The following HERC3 variants were observed in gnomAD, a reference collection of about 807,000 sequenced individuals.
HERC3 encodes the protein probable E3 ubiquitin-protein ligase HERC3.
In HERC3, 58 loss-of-function variants were observed where a neutral mutation model predicts 129.9. The ratio of observed to expected loss-of-function variants is 0.45; its 90% CI spans 0.36 to 0.56. The LOEUF (loss-of-function observed/expected upper bound fraction) is 0.56, where lower values mean the gene tolerates loss of function less well. Ranked by LOEUF, HERC3 falls within the 20% of genes least tolerant of loss-of-function variation. HERC3 has a pLI of 0.00. For missense variants in HERC3, 835 were observed against 1,244.2 expected, an observed-to-expected ratio of 0.67 and a Z score of 4.95; for synonymous variants, 430 against 451.0, an observed-to-expected ratio of 0.95 and a Z score of 0.59.
At chr4:88,697,121 C>A in intron 23 of HERC3, 1 of 1,330,414 alleles carries the variant, frequency 7.5e-7, no homozygotes, top group Non-Finnish European at 1.0e-6. Flanking sequence ...AAAACCTGAG[C>A]CTTTTTAAGT....
At chr4:88,640,020 C>G (rs1727898159) in intron 3 of HERC3, among the ~76,000 whole-genome samples, 1 of 152,136 alleles carries the variant, frequency 6.6e-6, no homozygotes, top group Non-Finnish European at 1.5e-5. Flanking sequence ...ATCAAAACCA[C>G]AATGAGATAC....
intron 12 of HERC3, 89 bp downstream of exon 12, chr4:88,664,301 T>A: frequency 1.8e-6 from 2 of 1,113,338 alleles, no homozygotes; most frequent in Non-Finnish European, 2.7e-6. Flanking sequence ...TGCTTGAGTT[T>A]AGGAGTTTGG....
In HERC3 at chr4:88,664,157, G is replaced by C; in HGVS notation, c.1276G>C (p.Val426Leu). Residue 426 changes from valine (V) to leucine (L), a missense_variant, in exon 12 of 26, where the codon GTT becomes CTT. Coordinates refer to ENST00000402738, the MANE Select transcript of HERC3 (RefSeq NM_014606.3). Reference protein sequence around the residue: ...EHNNANTINGVVQILSSAACW... With the variant: ...EHNNANTINGLVQILSSAACW... The stretch of plus-strand genomic sequence containing the variant: ...TCCCTTCTTTTCTTTGAGCAGTGGT[G>C]TTGTTCAGATATTATCTTCTGCAGC... The C allele has an allele frequency of 6.2e-7, 1 of 1,612,456 alleles. No homozygotes were observed. The highest frequency in any genetic ancestry group is 8.5e-7 in the Non-Finnish European group (1 of 1,179,086).
the HERC3 span, among the ~76,000 whole-genome samples, chr4:88,532,959 A>T: frequency 6.6e-6 from 1 of 152,330 alleles, no homozygotes; most frequent in South Asian, 2.1e-4. Context: ...ATTAAGGAGA[A>T]TTGACTCACA....
chr4:88,538,313 T>A, the HERC3 span, among the ~76,000 whole-genome samples: 1 of 152,310 alleles, frequency 6.6e-6, no homozygotes, highest in African/African-American at 2.4e-5. Flanking sequence ...CTGTACACCA[T>A]GGAGTATCGT....
chr4:88,663,577 C>A (rs542823647), intron 11 of HERC3, among the ~76,000 whole-genome samples: 12 of 152,208 alleles, frequency 7.9e-5, no homozygotes, highest in African/African-American at 2.9e-4. Flanking sequence ...TTATTCTTTC[C>A]CTTTTCCTTA....
At chr4:88,662,645 C>T in intron 11 of HERC3, 90 bp downstream of exon 11, 1 of 1,317,852 alleles carries the variant, frequency 7.6e-7, no homozygotes. Context: ...CATATTGATA[C>T]TGTGAATGTA....
chr4:88,649,319 C>CAG (rs1729021380), intron 3 of HERC3, among the ~76,000 whole-genome samples: 1 of 152,072 alleles, frequency 6.6e-6, no homozygotes, highest in African/African-American at 2.4e-5. Context: ...CCAGTTTTCC[C>CAG]AGAGAGAGAT....
rs1406865479 is a variant in HERC3, at chr4:88,708,027, TC to T, written c.*1068del. ...CTAGTGGATGCATGCAGCCTTTTTT[TC>T]AATTTTTATTTAAATTGCAAAATTT... is the stretch of plus-strand genomic sequence containing the variant. On this transcript the variant is annotated 3_prime_UTR_variant, in exon 26 of 26. Transcript: ENST00000402738. 6.6e-6 allele frequency: 1 copy of T among 152,590 alleles called. No individual in the cohort carries two copies. Among genetic ancestry groups the T allele is most frequent in the Admixed American group, 6.5e-5 (1 of 15,280 alleles). 9.5% of individuals were successfully genotyped at this position (152,590 alleles called of 1,614,324 possible).
chr4:88,621,197 C>T (rs1473208940), intron 3 of HERC3, among the ~76,000 whole-genome samples: 1 of 152,114 alleles, frequency 6.6e-6, no homozygotes, highest in Non-Finnish European at 1.5e-5. Flanking sequence ...ACCTCCACCT[C>T]CTGGGTTCAA....
chr4:88,651,069 G>A lies in HERC3; in HGVS notation c.387-943G>A, dbSNP rs116061894. ...TCCAAAAATTAATTTAATTTTGTGG[G>A]GAGAGGAAGAGTGGCAGTAAGAAAA... On this transcript the variant is annotated intron_variant, in intron 4 of 25. Coordinates refer to ENST00000402738, the MANE Select transcript of HERC3 (RefSeq NM_014606.3). Among the ~76,000 whole-genome samples the A allele has an allele frequency of 9.5e-3, 1,440 of 152,210 alleles. 21 individuals carry two copies. Among genetic ancestry groups the A allele is most frequent in the African/African-American group, 0.032 (1,343 of 41,532 alleles).
At chr4:88,689,349 TAAA>T (rs143398618) in intron 23 of HERC3, among the ~76,000 whole-genome samples, 2 of 121,090 alleles carry the variant, frequency 1.7e-5, no homozygotes, top group African/African-American at 5.6e-5. Context: ...TACAAAAAAG[TAAA>T]AAAAAAAAAA....
At chr4:88,672,177 G>A (rs1731681308) in intron 16 of HERC3, among the ~76,000 whole-genome samples, 2 of 152,074 alleles carry the variant, frequency 1.3e-5, no homozygotes, top group Non-Finnish European at 2.9e-5. Flanking sequence ...CTAACAAATT[G>A]TAATTCTTTT....
chr4:88,691,523 C>T (rs1260221015), intron 23 of HERC3, among the ~76,000 whole-genome samples: 1 of 152,216 alleles, frequency 6.6e-6, no homozygotes, highest in Non-Finnish European at 1.5e-5. Context: ...TGTATCCTAG[C>T]ATGGTGGAGA....
At chr4:88,536,529 T>C in the HERC3 span, among the ~76,000 whole-genome samples, 1 of 152,218 alleles carries the variant, frequency 6.6e-6, no homozygotes, top group South Asian at 2.1e-4. Flanking sequence ...TATGTCTGTC[T>C]CCTGTACTAA....
chr4:88,697,554 A>G, intron 23 of HERC3: 1 of 1,614,004 alleles, frequency 6.2e-7, no homozygotes, highest in Non-Finnish European at 8.5e-7. Context: ...CGATAAAGTC[A>G]TTTTTCGGCT....
At chr4:88,524,950 A>G in the HERC3 span, 1 of 152,188 alleles carries the variant, frequency 6.6e-6, no homozygotes, top group African/African-American at 2.4e-5. Flanking sequence ...CTTCCACTCC[A>G]ATGTAAAAAT....
the HERC3 span, among the ~76,000 whole-genome samples, chr4:88,525,728 A>G: frequency 6.6e-6 from 1 of 152,242 alleles, no homozygotes; most frequent in Non-Finnish European, 1.5e-5. Context: ...GACTATCACC[A>G]TGTGTGTATT....
At chr4:88,590,014 T>C (rs1465344126), upstream of HERC3, among the ~76,000 whole-genome samples, 7 of 152,172 alleles carry the variant, frequency 4.6e-5, no homozygotes, top group Admixed American at 4.6e-4. Context: ...ACGCCTGTAA[T>C]CTCAGCACTT....
Sources: gnomAD v4.1 joint callset for allele counts (sites outside exome capture counted in the v4.1 genomes callset) on GRCh38, gnomAD v4.1.1 for gene constraint, MANE v1.5 for transcripts, NCBI Gene and HGNC (gene_info 2026-07-23, HGNC 2026-07-21) for gene names.